Variants in CSNK2A2IP observed in about 807,000 individuals in gnomAD.
CSNK2A2IP encodes casein kinase 2 subunit alpha' interacting protein.
the CSNK2A2IP span, among the ~76,000 whole-genome samples, chr3:88,455,984 G>C: frequency 1.1e-4 from 16 of 151,646 alleles, no homozygotes; most frequent in African/African-American, 1.2e-4. Flanking sequence ...CATATTCTTA[G>C]TACCTTTGTT....
At chr3:88,466,885 A>G in the CSNK2A2IP span, 1 of 1,217,210 alleles carries the variant, frequency 8.2e-7, no homozygotes, top group African/African-American at 1.6e-5. Context: ...ACCTGAGGCC[A>G]ATTCTGAGGG....
the CSNK2A2IP span, among the ~76,000 whole-genome samples, chr3:88,353,547 C>T: frequency 2.0e-5 from 3 of 152,266 alleles, no homozygotes; most frequent in Admixed American, 6.5e-5. Flanking sequence ...CAGCTATTCT[C>T]CTGGCCAATG....
At chr3:88,456,090 T>C in the CSNK2A2IP span, among the ~76,000 whole-genome samples, 2 of 152,072 alleles carry the variant, frequency 1.3e-5, no homozygotes, top group African/African-American at 4.8e-5. Context: ...TACCATACTG[T>C]TCTGATTACT....
the CSNK2A2IP span, among the ~76,000 whole-genome samples, chr3:88,449,015 G>A: frequency 2.6e-3 from 390 of 152,162 alleles, 2 homozygotes; most frequent in African/African-American, 8.7e-3. Flanking sequence ...CTAAAAAAGA[G>A]AATATTCTTT....
At chr3:88,430,417 T>C in the CSNK2A2IP span, among the ~76,000 whole-genome samples, 2 of 152,076 alleles carry the variant, frequency 1.3e-5, no homozygotes, top group Admixed American at 1.3e-4. Context: ...ATATTTTCAT[T>C]ATATATACTA....
At chr3:88,385,842 A>T in the CSNK2A2IP span, among the ~76,000 whole-genome samples, 1 of 152,180 alleles carries the variant, frequency 6.6e-6, no homozygotes, top group African/African-American at 2.4e-5. Flanking sequence ...AGGTGAAAGG[A>T]TGAGGGAATT....
the CSNK2A2IP span, among the ~76,000 whole-genome samples, chr3:88,377,981 T>A: frequency 6.6e-6 from 1 of 151,916 alleles, no homozygotes; most frequent in South Asian, 2.1e-4. Flanking sequence ...GATTTTTCAT[T>A]TTTCACATAC....
the CSNK2A2IP span, among the ~76,000 whole-genome samples, chr3:88,464,336 C>CTA: frequency 8.7e-5 from 13 of 149,910 alleles, no homozygotes; most frequent in Admixed American, 2.0e-4. Flanking sequence ...ATAAATATAT[C>CTA]TATATATATA....
chr3:88,462,535 A>T, the CSNK2A2IP span, among the ~76,000 whole-genome samples: 1 of 151,938 alleles, frequency 6.6e-6, no homozygotes, highest in Non-Finnish European at 1.5e-5. Flanking sequence ...ATGTTGGAAA[A>T]ATATACAGAA....
the CSNK2A2IP span, among the ~76,000 whole-genome samples, chr3:88,385,630 T>C: frequency 2.6e-4 from 39 of 152,120 alleles, no homozygotes; most frequent in Non-Finnish European, 4.3e-4. Flanking sequence ...TATAGGTTTA[T>C]TGGGAAAAAA....
the CSNK2A2IP span, among the ~76,000 whole-genome samples, chr3:88,456,651 C>T: frequency 9.5e-6 from 1 of 105,350 alleles, no homozygotes; most frequent in African/African-American, 2.9e-5. Flanking sequence ...TTTACTTCTT[C>T]CTTTCCTTTT....
chr3:88,465,678 G>C, the CSNK2A2IP span: 1 of 1,231,610 alleles, frequency 8.1e-7, no homozygotes, highest in Non-Finnish European at 1.0e-6. Flanking sequence ...GCCTCCACTG[G>C]AGAAGTTCAT....
At chr3:88,392,995 G>A in the CSNK2A2IP span, among the ~76,000 whole-genome samples, 2 of 152,166 alleles carry the variant, frequency 1.3e-5, no homozygotes, top group African/African-American at 4.8e-5. Context: ...GAATAAAGGG[G>A]AGGATTGGCC....
chr3:88,378,889 T>C, the CSNK2A2IP span, among the ~76,000 whole-genome samples: 1 of 152,074 alleles, frequency 6.6e-6, no homozygotes, highest in Non-Finnish European at 1.5e-5. Context: ...TTTGATTGTG[T>C]TAGTATTAGT....
chr3:88,370,046 C>A, the CSNK2A2IP span, among the ~76,000 whole-genome samples: 3 of 151,804 alleles, frequency 2.0e-5, no homozygotes, highest in Non-Finnish European at 4.4e-5. Context: ...ATGGGGGAGA[C>A]AAATTTCAGT....
the CSNK2A2IP span, among the ~76,000 whole-genome samples, chr3:88,411,856 TATA>T: frequency 6.6e-6 from 1 of 151,100 alleles, no homozygotes; most frequent in East Asian, 1.9e-4. Context: ...TATTTCAACA[TATA>T]ATAAGAAAAT....
the CSNK2A2IP span, among the ~76,000 whole-genome samples, chr3:88,450,742 C>T: frequency 6.6e-6 from 1 of 151,658 alleles, no homozygotes; most frequent in Non-Finnish European, 1.5e-5. Flanking sequence ...TTTCTTTATC[C>T]ATTCATCCCT....
chr3:88,364,007 C>T, the CSNK2A2IP span, among the ~76,000 whole-genome samples: 1 of 152,122 alleles, frequency 6.6e-6, no homozygotes, highest in Non-Finnish European at 1.5e-5. Context: ...GGTCCTGCTT[C>T]TGTGCAATAC....
the CSNK2A2IP span, among the ~76,000 whole-genome samples, chr3:88,407,696 G>T: frequency 1.3e-5 from 2 of 150,974 alleles, no homozygotes; most frequent in Admixed American, 1.3e-4. Flanking sequence ...AGAGATTGAA[G>T]AAAATAGTGT....
Sources: gnomAD v4.1 joint callset for allele counts (sites outside exome capture counted in the v4.1 genomes callset) on GRCh38, gnomAD v4.1.1 for gene constraint, MANE v1.5 for transcripts, NCBI Gene and HGNC (gene_info 2026-07-23, HGNC 2026-07-21) for gene names.